HECW2: variants seen among roughly 807,000 people sequenced by gnomAD.
HECW2 encodes E3 ubiquitin-protein ligase HECW2.
In HECW2, 61 loss-of-function variants were observed where a neutral mutation model predicts 175.2. That is an observed-to-expected ratio of 0.35 (90% CI 0.28 to 0.43). HECW2 has a LOEUF of 0.43. Among genes scored for constraint, HECW2 ranks in the 20% least tolerant of loss-of-function variants. HECW2 has a pLI of 1.00. For missense variants in HECW2, 1,524 were observed against 2,000.5 expected (o/e 0.76, Z 4.54); for synonymous variants, 671 against 731.0 (o/e 0.92, Z 1.32).
chr2:196,219,599 A>G (rs1173538526), intron 26 of HECW2, among the ~76,000 whole-genome samples: 1 of 152,176 alleles, frequency 6.6e-6, no homozygotes, highest in African/African-American at 2.4e-5. Context: ...AAGTGTTCTG[A>G]CTATGAATTA....
rs1416217562 is a variant in HECW2 at position 196,584,647 on chromosome 2, C to T, written c.-36+8861G>A. Among the ~76,000 whole-genome samples, 5 of 152,156 alleles carry T rather than the reference C, an allele frequency of 3.3e-5. No individual in the cohort carries two copies. In the South Asian group the frequency reaches 1.0e-3, roughly 32 times the overall value. Reference sequence around the variant, plus strand: ...TAAGCATTCCATTGCTGCTTAGCATCCCCAGTTCTCTAAGACTGTTCTCAT... The same window carrying T: ...TAAGCATTCCATTGCTGCTTAGCATTCCCAGTTCTCTAAGACTGTTCTCAT... On this transcript the variant is annotated intron_variant, in intron 1 of 28. Coordinates refer to ENST00000644978, the MANE Select transcript of HECW2 (RefSeq NM_001348768.2).
intron 1 of HECW2, among the ~76,000 whole-genome samples, chr2:196,495,014 G>A (rs1687340357): frequency 1.3e-5 from 2 of 151,996 alleles, no homozygotes; most frequent in Admixed American, 1.3e-4. Context: ...GGAATGGCGT[G>A]ATACCAGGCA....
intron 1 of HECW2, among the ~76,000 whole-genome samples, chr2:196,575,157 C>T (rs536928030): frequency 2.8e-5 from 4 of 142,796 alleles, no homozygotes; most frequent in African/African-American, 5.2e-5. Context: ...AATTGGCCAA[C>T]GTATGTATGA....
chr2:196,201,106 AG>A lies in HECW2; in HGVS notation c.*170del. The A allele has an allele frequency of 1.7e-6, 1 of 580,380 alleles. No homozygotes were observed. The highest frequency in any genetic ancestry group is 2.0e-5 in the South Asian group (1 of 49,056). The allele number at this position is 580,380 out of a possible 1,614,324, so 36.0% of individuals were successfully genotyped here. On this transcript the variant is annotated 3_prime_UTR_variant, in exon 29 of 29. Coordinates refer to ENST00000644978, the MANE Select transcript of HECW2 (RefSeq NM_001348768.2). ...TCAAGCTCACCCAAATCCTTCCAAG[AG>A]GACTCATCTCCAGTCCCCAAATGTG...
chr2:196,286,466 T>C (rs994483966), intron 14 of HECW2, among the ~76,000 whole-genome samples: 1 of 149,866 alleles, frequency 6.7e-6, no homozygotes, highest in Non-Finnish European at 1.5e-5. Context: ...TCTCTGTACT[T>C]AGGCAATTCC....
chr2:196,504,746 T>A (rs1159521668), intron 1 of HECW2, among the ~76,000 whole-genome samples: 1 of 152,234 alleles, frequency 6.6e-6, no homozygotes, highest in African/African-American at 2.4e-5. Flanking sequence ...GAACCAACCT[T>A]ACATATTATA....
At chr2:196,445,173 G>A (rs1415217898) in intron 1 of HECW2, among the ~76,000 whole-genome samples, 1 of 152,200 alleles carries the variant, frequency 6.6e-6, no homozygotes, top group Non-Finnish European at 1.5e-5. Context: ...TCTCCTGCCA[G>A]ACTATAAGCT....
intron 1 of HECW2, among the ~76,000 whole-genome samples, chr2:196,456,316 A>G (rs182046683): frequency 6.6e-6 from 1 of 152,320 alleles, no homozygotes; most frequent in African/African-American, 2.4e-5. Flanking sequence ...GAATAAGAAC[A>G]TATTTACTGA....
chr2:196,265,734 T>C (rs540067456), intron 17 of HECW2, among the ~76,000 whole-genome samples: 6 of 152,320 alleles, frequency 3.9e-5, no homozygotes, highest in African/African-American at 1.4e-4. Context: ...CAGTATCAAA[T>C]GGTTTATACA....
At chr2:196,294,323 A>G (rs1014531299) in intron 13 of HECW2, among the ~76,000 whole-genome samples, 1 of 152,220 alleles carries the variant, frequency 6.6e-6, no homozygotes, top group African/African-American at 2.4e-5. Context: ...GATATTCATG[A>G]AACTGACCAG....
chr2:196,549,002 A>G (rs1173501241), intron 1 of HECW2, among the ~76,000 whole-genome samples: 1 of 152,140 alleles, frequency 6.6e-6, no homozygotes, highest in Non-Finnish European at 1.5e-5. Context: ...TCACATTCCA[A>G]GGTACAAGGG....
At chr2:196,298,858 A>G (rs17829296) in intron 13 of HECW2, among the ~76,000 whole-genome samples, 23,355 of 152,248 alleles carry the variant, frequency 0.15, 2,062 homozygotes, top group Middle Eastern at 0.25. Context: ...GAAGTAACTG[A>G]AAGAGGTATA....
At chr2:196,256,230 G>A (rs1473761701) in intron 18 of HECW2, among the ~76,000 whole-genome samples, 1 of 151,986 alleles carries the variant, frequency 6.6e-6, no homozygotes, top group Non-Finnish European at 1.5e-5. Context: ...GAAAAGCCTA[G>A]AATTTAATGA....
intron 13 of HECW2, among the ~76,000 whole-genome samples, chr2:196,303,749 G>A (rs185624741): frequency 2.6e-5 from 4 of 152,246 alleles, no homozygotes; most frequent in Non-Finnish European, 5.9e-5. Flanking sequence ...TGGGGTCAGT[G>A]GTAATCTGTC....
At chr2:196,492,956 A>C (rs188290770) in intron 1 of HECW2, among the ~76,000 whole-genome samples, 235 of 152,314 alleles carry the variant, frequency 1.5e-3, no homozygotes, top group Non-Finnish European at 1.9e-3. Context: ...GAGTCTTAAA[A>C]ATAAATAGAC....
At chr2:196,468,934 T>C (rs1697072061) in intron 1 of HECW2, among the ~76,000 whole-genome samples, 6 of 152,198 alleles carry the variant, frequency 3.9e-5, no homozygotes, top group Admixed American at 3.3e-4. Flanking sequence ...AGTTGCAAAA[T>C]GTTTTTTAGC....
Position 196,196,546 on chromosome 2 carries a change from C to G in HECW2, c.*4731G>C, listed in dbSNP as rs1686694576. 6.6e-6 allele frequency: 1 copy of G among 152,470 alleles called. No individual in the cohort carries two copies. Among genetic ancestry groups the G allele is most frequent in the African/African-American group, 2.4e-5 (1 of 41,456 alleles). 9.4% of individuals were successfully genotyped at this position (152,470 alleles called of 1,614,324 possible). ...GCCCAGAGGCTCACGTCTGTAATCC[C>G]AGCACTTCGGGAGGCCAAGGTGGGA... On this transcript the variant is annotated 3_prime_UTR_variant, in exon 29 of 29. Transcript: ENST00000644978.
At chr2:196,351,145 T>C (rs1693155327) in intron 2 of HECW2, among the ~76,000 whole-genome samples, 1 of 152,168 alleles carries the variant, frequency 6.6e-6, no homozygotes, top group African/African-American at 2.4e-5. Context: ...TAACCTACAA[T>C]GTAATTATAA....
In HECW2 at chr2:196,497,139, A is replaced by G. The variant is rs540378662; in HGVS notation, c.-35-63681T>C. ...TATCAAATTTTATTCTCAAATCCCAATTCTAAGATCTATAGGTTCCCCCAA... is the reference window on the plus strand; with the variant it reads ...TATCAAATTTTATTCTCAAATCCCAGTTCTAAGATCTATAGGTTCCCCCAA... On this transcript the variant is annotated intron_variant, in intron 1 of 28. Transcript: ENST00000644978. 1.1e-3 allele frequency among the ~76,000 whole-genome samples: 167 copies of G among 152,296 alleles called. 5 individuals carry two copies. The South Asian group carries it at 0.033, about 30-fold the overall frequency.
Sources: allele counts gnomAD v4.1 joint callset (sites outside exome capture counted in the v4.1 genomes callset), GRCh38; gene constraint gnomAD v4.1.1; transcripts MANE v1.5; gene names NCBI Gene and HGNC (gene_info 2026-07-23, HGNC 2026-07-21).